MRPL43: variants seen among roughly 807,000 people sequenced by gnomAD.
MRPL43 encodes large ribosomal subunit protein mL43.
MRPL43 carries 9 observed loss-of-function variants against 12.7 expected under a neutral mutation model. The ratio of observed to expected loss-of-function variants is 0.71; its 90% confidence interval spans 0.43 to 1.24. MRPL43 has a LOEUF of 1.24. Ranked by LOEUF, MRPL43 falls within the 50% of genes most tolerant of loss-of-function variation. The pLI is 0.00. For missense variants in MRPL43, 211 were observed against 229.2 expected (o/e 0.92, Z 0.51); for synonymous variants, 116 against 96.4 (o/e 1.20, Z -1.19).
downstream of MRPL43, chr10:100,979,181 T>C (rs138709087): frequency 5.6e-6 from 9 of 1,614,100 alleles, no homozygotes; most frequent in Admixed American, 1.7e-5. Flanking sequence ...CACATTCCAC[T>C]GTATGAGACA....
At chr10:100,982,047 G>A (rs1170217085), downstream of MRPL43, among the ~76,000 whole-genome samples, 3 of 131,682 alleles carry the variant, frequency 2.3e-5, no homozygotes, top group Admixed American at 1.7e-4. Flanking sequence ...AACAGAGTGA[G>A]ACCTCATCTC....
downstream of MRPL43, chr10:100,983,441 C>G (rs753494547): frequency 4.3e-6 from 7 of 1,613,992 alleles, no homozygotes; most frequent in Non-Finnish European, 5.1e-6. Context: ...GGCAGGGTGG[C>G]TACCGTGTGG....
chr10:100,980,513 C>T, downstream of MRPL43: 3 of 1,468,174 alleles, frequency 2.0e-6, no homozygotes, highest in South Asian at 1.1e-5. Context: ...CGTATTAGGC[C>T]TCTTGCAGGG....
At chr10:100,984,979 A>C, downstream of MRPL43, 3 of 1,358,956 alleles carry the variant, frequency 2.2e-6, no homozygotes, top group South Asian at 1.5e-5. Context: ...TTCCACTCAC[A>C]TGCACCTCTG....
chr10:100,987,205 C>T lies in MRPL43; in HGVS notation c.132-9G>A, dbSNP rs1457396155. The T allele has an allele frequency of 6.2e-7, 1 of 1,613,776 alleles. No individual in the cohort carries two copies. The highest frequency in any genetic ancestry group is 1.3e-5 in the African/African-American group (1 of 75,072). On this transcript the variant is annotated splice_polypyrimidine_tract_variant and intron_variant, in intron 1 of 2. Coordinates refer to ENST00000318364, the MANE Select transcript of MRPL43 (RefSeq NM_032112.3). ...CCCGCTCCACGAACTCCCTAAGCGA[C>T]CCGGGACAGTGAGCAGTATGACCCC...
At chr10:100,980,581 A>G, downstream of MRPL43, 1 of 1,613,170 alleles carries the variant, frequency 6.2e-7, no homozygotes, top group Non-Finnish European at 8.5e-7. Context: ...ATACCAGCTG[A>G]TGGCTGGATC....
downstream of MRPL43, chr10:100,979,282 G>T: frequency 6.2e-7 from 1 of 1,614,166 alleles, no homozygotes; most frequent in Non-Finnish European, 8.5e-7. Context: ...GTCAGTGCAG[G>T]GACAATCGGG....
chr10:100,980,852 G>A (rs1851035626), downstream of MRPL43: 1 of 1,596,734 alleles, frequency 6.3e-7, no homozygotes, highest in Non-Finnish European at 8.5e-7. Flanking sequence ...TCCTAGCGGA[G>A]TCATCCAGCT....
chr10:100,986,882 T>C lies in MRPL43; in HGVS notation c.332A>G (p.Asp111Gly), dbSNP rs1851513480. The change falls in exon 3 of 3, where the codon GAC (aspartate) becomes GGC (glycine). Residue 111 changes from aspartate (D) to glycine (G), a missense_variant. Physicochemically the swap from Asp to Gly is moderately conservative, Grantham distance 94. Coordinates refer to ENST00000318364, the MANE Select transcript of MRPL43 (RefSeq NM_032112.3). ...VQKLADQSGLDVIRIRKPFHT... is the reference protein window; with the variant it reads ...VQKLADQSGLGVIRIRKPFHT... ...GAAGGGCTTGCGGATGCGGATCACG[T>C]CCAAGCCCGACTGGTCGGCCAGCTT... 1 of 1,613,076 alleles carries C rather than the reference T, an allele frequency of 6.2e-7. No individual in the cohort carries two copies. Among genetic ancestry groups the C allele is most frequent in the East Asian group, 2.2e-5 (1 of 44,880 alleles).
downstream of MRPL43, chr10:100,984,308 C>A (rs1453609825): frequency 3.5e-6 from 5 of 1,438,838 alleles, no homozygotes; most frequent in African/African-American, 1.4e-5. Context: ...CCTCCTCAGT[C>A]TCCACAGACC....
downstream of MRPL43, chr10:100,983,413 G>A (rs1157499811): frequency 3.1e-6 from 5 of 1,612,932 alleles, no homozygotes; most frequent in Non-Finnish European, 4.2e-6. Context: ...CTCAATGGGA[G>A]CATGGGCCTG....
Position 100,987,034 on chromosome 10 carries a change from G to A in MRPL43, c.238+56C>T, listed in dbSNP as rs951427621. ...GGCCGGTGCGACCAAGCGAGAAGGA[G>A]GATAGCGGGTCGAGCCCCTGATCCC... On this transcript the variant is annotated intron_variant, in intron 2 of 2. Transcript: ENST00000318364. 5 of 1,607,600 alleles carry A rather than the reference G, an allele frequency of 3.1e-6. No homozygotes were observed. The African/African-American group carries it at 4.0e-5, about 13-fold the overall frequency.
downstream of MRPL43, chr10:100,981,100 A>T: frequency 6.2e-7 from 1 of 1,609,534 alleles, no homozygotes; most frequent in Non-Finnish European, 8.5e-7. Context: ...TAACAGACCT[A>T]TCTACCCTTT....
rs771315653 is a variant in MRPL43 at position 100,986,698 on chromosome 10, T to C, written c.*36A>G. ...AGAACCACCTTTACCGGAGTAACAG[T>C]CCAAAGCCTGGGGCTGCAGTTGGTG... is the stretch of plus-strand genomic sequence containing the variant. On this transcript the variant is annotated 3_prime_UTR_variant, in exon 3 of 3. Transcript: ENST00000318364. 19 of 1,613,764 alleles carry C rather than the reference T, an allele frequency of 1.2e-5. No homozygotes were observed. The Admixed American group carries it at 3.2e-4, about 27-fold the overall frequency.
At chr10:100,979,982 G>A (rs147630038), downstream of MRPL43, 29 of 1,614,050 alleles carry the variant, frequency 1.8e-5, no homozygotes, top group Middle Eastern at 1.6e-4. Context: ...CCTGAGCCCC[G>A]GCCTGGCTCG....
chr10:100,978,994 G>A, downstream of MRPL43: 3 of 1,614,182 alleles, frequency 1.9e-6, no homozygotes, highest in South Asian at 1.1e-5. Flanking sequence ...GTCACCGTGT[G>A]GCCCGTGTGG....
downstream of MRPL43, chr10:100,980,849 G>C: frequency 6.3e-7 from 1 of 1,593,288 alleles, no homozygotes; most frequent in Admixed American, 1.8e-5. Flanking sequence ...GGCTCCTAGC[G>C]GAGTCATCCA....
downstream of MRPL43, chr10:100,979,272 G>T: frequency 6.2e-7 from 1 of 1,614,180 alleles, no homozygotes; most frequent in Non-Finnish European, 8.5e-7. Flanking sequence ...GCACACAGTG[G>T]TCAGTGCAGG....
At position 100,986,387 on chromosome 10, in the gene MRPL43, A is replaced by C; in HGVS notation, c.*347T>G. The C allele has an allele frequency of 6.8e-7, 1 of 1,466,518 alleles. No individual in the cohort carries two copies. The highest frequency in any genetic ancestry group is 9.0e-7 in the Non-Finnish European group (1 of 1,113,148). The allele number at this position is 1,466,518 out of a possible 1,614,324, so 90.8% of individuals were successfully genotyped here. On this transcript the variant is annotated 3_prime_UTR_variant, in exon 3 of 3. Coordinates refer to ENST00000318364, the MANE Select transcript of MRPL43 (RefSeq NM_032112.3). ...GTAGCTCAGTGGTTGTTCCAATAAG[A>C]CATCAGGGATTCTTCAGAAGCCAGC...
Sources: gnomAD v4.1 joint callset for allele counts (sites outside exome capture counted in the v4.1 genomes callset) on GRCh38, gnomAD v4.1.1 for gene constraint, MANE v1.5 for transcripts, NCBI Gene and HGNC (gene_info 2026-07-23, HGNC 2026-07-21) for gene names.